Variants in TRPC4 observed in about 807,000 individuals in gnomAD.
TRPC4 encodes the protein short transient receptor potential channel 4.
TRPC4 carries 49 observed loss-of-function variants against 99.4 expected under a neutral mutation model. The observed-to-expected ratio is 0.49, with a 90% CI of 0.39 to 0.63. The LOEUF is 0.63. Ranked by LOEUF, TRPC4 falls within the 20% of genes least tolerant of loss-of-function variation. The pLI, the probability that TRPC4 is intolerant of heterozygous loss-of-function variation, is 0.00. For missense variants in TRPC4, 898 were observed against 1,152.9 expected (o/e 0.78, Z 3.20); for synonymous variants, 454 against 425.9 (o/e 1.07, Z -0.81).
At chr13:37,718,490 C>T (rs1174816202) in intron 3 of TRPC4, among the ~76,000 whole-genome samples, 1 of 151,886 alleles carries the variant, frequency 6.6e-6, no homozygotes, top group African/African-American at 2.4e-5. Context: ...CAGACATAGA[C>T]TTTAGTTATT....
intron 2 of TRPC4, among the ~76,000 whole-genome samples, chr13:37,772,198 G>A (rs1024439642): frequency 6.6e-6 from 1 of 151,710 alleles, no homozygotes; most frequent in African/African-American, 2.4e-5. Context: ...CACACAGTTA[G>A]TGTATGGAAA....
chr13:37,701,025 AT>A (rs1954086419), intron 3 of TRPC4, among the ~76,000 whole-genome samples: 1 of 152,124 alleles, frequency 6.6e-6, no homozygotes, highest in African/African-American at 2.4e-5. Context: ...AGAAAAAGTT[AT>A]GTGTTTTGGA....
chr13:37,676,480 T>C (rs1212471422), intron 4 of TRPC4, among the ~76,000 whole-genome samples: 2 of 151,620 alleles, frequency 1.3e-5, no homozygotes, highest in African/African-American at 4.8e-5. Context: ...TAAAGCGATT[T>C]CCCTGCCTCA....
chr13:37,637,557 G>A lies in TRPC4; in HGVS notation c.2280C>T (p.Ser760=), dbSNP rs1435214485. Residue 760 remains serine (S), a synonymous_variant, in exon 11 of 11, where the codon TCC becomes TCT. Coordinates refer to ENST00000379705, the MANE Select transcript of TRPC4 (RefSeq NM_016179.4). ...VLGLLRGSKL[S]TIQSANASKE... ...TCGAGGCATTCGCAGATTGTATTGT[G>A]GAAAGTTTGCTTCCTCTTAGTAATC... 1.2e-6 allele frequency: 2 copies of A among 1,612,776 alleles called. No homozygotes were observed. The highest frequency in any genetic ancestry group is 1.7e-6 in the Non-Finnish European group (2 of 1,179,560).
intron 1 of TRPC4, among the ~76,000 whole-genome samples, chr13:37,803,935 T>C (rs917578975): frequency 3.3e-5 from 5 of 152,046 alleles, no homozygotes; most frequent in Admixed American, 3.3e-4. Flanking sequence ...TTGTGAGGCA[T>C]TAAAAAGTCC....
rs116828965 is a variant in TRPC4, at chr13:37,843,038, G to A, written c.-28+26557C>T. ...TGCTCAGTGATTAATATGAGTACAT[G>A]AAGATGTTCCAGACTTCAAACTTGC... On this transcript the variant is annotated intron_variant, in intron 1 of 10. Transcript: ENST00000379705. Among the ~76,000 whole-genome samples the A allele has an allele frequency of 4.3e-3, 654 of 152,316 alleles. 3 individuals carry two copies. Among genetic ancestry groups the A allele is most frequent in the African/African-American group, 0.015 (623 of 41,582 alleles).
In TRPC4 at chr13:37,663,441, C is replaced by G. The variant is rs748917045; in HGVS notation, c.1663G>C (p.Glu555Gln). ...KGLTCKGIRC[E>Q]KQNNAFSTLF... Reference sequence around the variant, plus strand: ...GTTGAAAATGCATTATTCTGCTTTTCACATCTTATGCCTTTGCAGGTTAAC... The same window carrying G: ...GTTGAAAATGCATTATTCTGCTTTTGACATCTTATGCCTTTGCAGGTTAAC... Residue 555 changes from glutamate to glutamine, a missense_variant, in exon 6 of 11, where the codon GAA becomes CAA. Physicochemically the swap from Glu to Gln is conservative, Grantham distance 29. Around this residue, in one of 3 missense-constraint regions of TRPC4, gnomAD observed 274 missense variants for 454.9 expected, o/e 0.60. Transcript: ENST00000379705. 6.2e-7 allele frequency: 1 copy of G among 1,613,496 alleles called. No homozygotes were observed. The highest frequency in any genetic ancestry group is 8.5e-7 in the Non-Finnish European group (1 of 1,179,730).
intron 2 of TRPC4, 68 bp downstream of exon 2, chr13:37,782,882 AAAAAAG>A: frequency 2.3e-6 from 3 of 1,314,754 alleles, no homozygotes; most frequent in Admixed American, 3.1e-5. Context: ...TCTAAAAAAA[AAAAAAG>A]AAAGAAAAGA....
intron 1 of TRPC4, 76 bp from the exon 2 acceptor site, chr13:37,783,436 C>G: frequency 3.4e-6 from 4 of 1,190,446 alleles, no homozygotes; most frequent in Non-Finnish European, 4.5e-6. Flanking sequence ...ACTTCTCCAA[C>G]TCACAGTGAT....
intron 3 of TRPC4, among the ~76,000 whole-genome samples, chr13:37,715,260 G>T (rs1004185578): frequency 1.2e-4 from 19 of 152,278 alleles, no homozygotes; most frequent in Admixed American, 5.2e-4. Context: ...AATGCCATTT[G>T]CAGGCCAGAT....
intron 1 of TRPC4, among the ~76,000 whole-genome samples, chr13:37,810,668 A>G (rs2139473113): frequency 6.6e-6 from 1 of 152,226 alleles, no homozygotes; most frequent in African/African-American, 2.4e-5. Context: ...ACAATTGAAA[A>G]TTAAAATCCT....
chr13:37,774,181 T>C (rs745586206), intron 2 of TRPC4, among the ~76,000 whole-genome samples: 5 of 151,690 alleles, frequency 3.3e-5, no homozygotes, highest in Non-Finnish European at 7.4e-5. Flanking sequence ...TATTATCACC[T>C]TTTTTAAGGG....
Position 37,783,284 on chromosome 13 carries a change from C to T in TRPC4, c.50G>A (p.Arg17His), listed in dbSNP as rs75129764. 1.2e-4 allele frequency: 191 copies of T among 1,612,184 alleles called. 2 individuals carry two copies. In the East Asian group the frequency reaches 4.1e-3, roughly 35 times the overall value. Residue 17 changes from arginine to histidine, a missense_variant, in exon 2 of 11, where the codon CGC (arginine) becomes CAC (histidine). Physicochemically the swap from Arg to His is conservative, Grantham distance 29. Coordinates refer to ENST00000379705, the MANE Select transcript of TRPC4 (RefSeq NM_016179.4). Reference protein sequence around the residue: ...KRNVNAPYRDRIPLRIVRAES... With the variant: ...KRNVNAPYRDHIPLRIVRAES... ...TGCTCTTACTATCCTTAGAGGGATG[C>T]GGTCTCTATAGGGAGCATTAACATT... is the stretch of plus-strand genomic sequence containing the variant.
Position 37,636,369 on chromosome 13 carries a change from G to T in TRPC4, c.*534C>A, listed in dbSNP as rs908540839. 1.3e-5 allele frequency among the ~76,000 whole-genome samples: 2 copies of T among 152,032 alleles called. No homozygotes were observed. Among genetic ancestry groups the T allele is most frequent in the African/African-American group, 4.8e-5 (2 of 41,404 alleles). On this transcript the variant is annotated 3_prime_UTR_variant, in exon 11 of 11. Coordinates refer to ENST00000379705, the MANE Select transcript of TRPC4 (RefSeq NM_016179.4). ...TTTAGATATGACTCCATGAGAAGAA[G>T]ACTTGTTTGCTTTGTGTACAATAAT... is the stretch of plus-strand genomic sequence containing the variant.
intron 2 of TRPC4, among the ~76,000 whole-genome samples, chr13:37,769,107 C>G (rs947138194): frequency 6.6e-6 from 1 of 151,318 alleles, no homozygotes; most frequent in African/African-American, 2.4e-5. Context: ...AGCATTTTAA[C>G]GAAACCTCTG....
At chr13:37,643,272 T>C (rs1042004937) in intron 8 of TRPC4, among the ~76,000 whole-genome samples, 1 of 152,234 alleles carries the variant, frequency 6.6e-6, no homozygotes, top group Admixed American at 6.5e-5. Context: ...TACATGTGTA[T>C]GGCAGTGGAG....
chr13:37,835,053 T>A (rs1276599079), intron 1 of TRPC4, among the ~76,000 whole-genome samples: 1 of 145,820 alleles, frequency 6.9e-6, no homozygotes, highest in African/African-American at 2.5e-5. Context: ...TTTTTTTTAA[T>A]TTTTTTTTTA....
At chr13:37,731,553 T>C (rs975009217) in intron 3 of TRPC4, among the ~76,000 whole-genome samples, 2 of 152,076 alleles carry the variant, frequency 1.3e-5, no homozygotes, top group African/African-American at 4.8e-5. Context: ...ACAATATCTA[T>C]TATATTTTAA....
chr13:37,636,044 A>C lies in TRPC4; in HGVS notation c.*859T>G, dbSNP rs935547763. Among the ~76,000 whole-genome samples the C allele has an allele frequency of 6.6e-6, 1 of 152,098 alleles. No individual in the cohort carries two copies. The highest frequency in any genetic ancestry group is 6.6e-5 in the Admixed American group (1 of 15,234). Reference sequence around the variant, plus strand: ...TCATTTTCATTTGGATATTATTAGTATGTAATCATCTTGCTTGTTTAAGAT... The same window carrying C: ...TCATTTTCATTTGGATATTATTAGTCTGTAATCATCTTGCTTGTTTAAGAT... On this transcript the variant is annotated 3_prime_UTR_variant, in exon 11 of 11. Coordinates refer to ENST00000379705, the MANE Select transcript of TRPC4 (RefSeq NM_016179.4).
Sources: gnomAD v4.1 joint callset for allele counts (sites outside exome capture counted in the v4.1 genomes callset) on GRCh38, gnomAD v4.1.1 for gene constraint, gnomAD v4.1.1 regional missense constraint, MANE v1.5 for transcripts, NCBI Gene and HGNC (gene_info 2026-07-23, HGNC 2026-07-21) for gene names.